Variants in AGBL1 observed in about 807,000 individuals in gnomAD.
AGBL1 encodes the protein cytosolic carboxypeptidase 4.
A neutral mutation model predicts 118.9 loss-of-function variants in AGBL1; 130 were observed. That is an observed-to-expected ratio of 1.09 (90% CI 0.95 to 1.26). AGBL1 has a LOEUF of 1.26. Ranked by LOEUF, AGBL1 falls within the 50% of genes most tolerant of loss-of-function variation. The probability of loss-of-function intolerance (pLI) is 0.00; values close to 1 mark genes in which losing one functional copy is unlikely to be tolerated. For missense variants in AGBL1, 1,584 were observed against 1,298.1 expected (o/e 1.22, Z -3.38); for synonymous variants, 555 against 478.9 (o/e 1.16, Z -2.08).
chr15:86,796,480 A>C (rs2141340611), intron 22 of AGBL1, among the ~76,000 whole-genome samples: 1 of 152,298 alleles, frequency 6.6e-6, no homozygotes, highest in South Asian at 2.1e-4. Context: ...ACAGTCCGAA[A>C]TACCTCTAAC....
chr15:86,451,746 C>A (rs1035381564), intron 18 of AGBL1, among the ~76,000 whole-genome samples: 2 of 152,096 alleles, frequency 1.3e-5, no homozygotes, highest in African/African-American at 2.4e-5. Context: ...CCTTTTTCTC[C>A]AGGCCTTGGC....
intron 22 of AGBL1, among the ~76,000 whole-genome samples, chr15:86,884,638 C>G (rs1052177294): frequency 6.6e-6 from 1 of 152,116 alleles, no homozygotes; most frequent in Non-Finnish European, 1.5e-5. Context: ...ATGGTGAAAC[C>G]CTTCCTCTAC....
At chr15:86,751,455 G>A (rs959840766) in intron 22 of AGBL1, among the ~76,000 whole-genome samples, 1 of 152,120 alleles carries the variant, frequency 6.6e-6, no homozygotes, top group African/African-American at 2.4e-5. Context: ...TACCATTCAG[G>A]ATGTAGGCAT....
chr15:86,254,530 G>A (rs548084603), intron 7 of AGBL1, among the ~76,000 whole-genome samples: 1 of 152,328 alleles, frequency 6.6e-6, no homozygotes, highest in African/African-American at 2.4e-5. Context: ...TGTGACGGAA[G>A]CATTGAATGT....
chr15:86,751,276 G>T (rs1266729770), intron 22 of AGBL1, among the ~76,000 whole-genome samples: 1 of 152,008 alleles, frequency 6.6e-6, no homozygotes, highest in African/African-American at 2.4e-5. Context: ...TCACAACCTT[G>T]CCAGCATCTG....
intron 18 of AGBL1, among the ~76,000 whole-genome samples, chr15:86,419,887 G>T (rs1567248185): frequency 6.6e-6 from 1 of 152,182 alleles, no homozygotes; most frequent in East Asian, 1.9e-4. Flanking sequence ...GCTCAGCAAA[G>T]CTGCTGTAGC....
intron 22 of AGBL1, among the ~76,000 whole-genome samples, chr15:86,877,030 A>G (rs927317028): frequency 6.6e-6 from 1 of 152,168 alleles, no homozygotes; most frequent in Admixed American, 6.5e-5. Context: ...TCAGAGATCA[A>G]TTCTGCCCAC....
chr15:86,554,436 C>T lies in AGBL1; in HGVS notation c.2893C>T (p.Arg965Ter), dbSNP rs757739795. Residue 965 changes from arginine (R) to a stop codon, truncating the protein, a stop_gained, in exon 21 of 23, where the codon CGA becomes TGA. Transcript: ENST00000614907. LOFTEE classifies it high-confidence loss of function. ...SSCSFLVEKSRASTARVVVWR... is the reference protein window; with the variant it reads ...SSCSFLVEKS ...CTGCAGCTTTCTCGTGGAGAAATCT[C>T]GAGCTTCCACGGCCCGGGTGGTGGT... is the stretch of plus-strand genomic sequence containing the variant. The T allele has an allele frequency of 6.3e-6, 10 of 1,586,774 alleles. No homozygotes were observed. The highest frequency in any genetic ancestry group is 2.3e-5 in the South Asian group (2 of 86,596).
At chr15:86,916,868 C>T (rs1426964170), downstream of AGBL1, among the ~76,000 whole-genome samples, 2 of 152,184 alleles carry the variant, frequency 1.3e-5, no homozygotes, top group African/African-American at 4.8e-5. Flanking sequence ...GAGGCCAGGC[C>T]TGCACAATGA....
intron 18 of AGBL1, among the ~76,000 whole-genome samples, chr15:86,469,938 C>T (rs1312254028): frequency 1.3e-5 from 2 of 151,934 alleles, no homozygotes; most frequent in African/African-American, 4.8e-5. Flanking sequence ...TTGTTTCTTG[C>T]TATTGGTTTG....
chr15:86,801,762 G>C (rs1192241267), intron 22 of AGBL1, among the ~76,000 whole-genome samples: 3 of 152,104 alleles, frequency 2.0e-5, no homozygotes, highest in Non-Finnish European at 4.4e-5. Context: ...ATTTGGTGGA[G>C]TTATTATTAA....
chr15:86,325,349 A>C (rs1189521560), intron 17 of AGBL1, among the ~76,000 whole-genome samples: 2 of 152,188 alleles, frequency 1.3e-5, no homozygotes, highest in African/African-American at 4.8e-5. Flanking sequence ...ATTAAGCAGG[A>C]GGAACTAGTT....
intron 24 of AGBL1, among the ~76,000 whole-genome samples, chr15:87,027,141 T>C (rs1438727187): frequency 6.6e-6 from 1 of 151,828 alleles, no homozygotes; most frequent in Non-Finnish European, 1.5e-5. Flanking sequence ...TAAAAATGAA[T>C]AAATACAAAG....
At chr15:86,821,157 A>G (rs952009798) in intron 22 of AGBL1, among the ~76,000 whole-genome samples, 1 of 152,026 alleles carries the variant, frequency 6.6e-6, no homozygotes, top group Admixed American at 6.6e-5. Flanking sequence ...GGGGAACATC[A>G]CACACTGAGG....
At chr15:86,493,258 C>T (rs1354261413) in intron 18 of AGBL1, among the ~76,000 whole-genome samples, 1 of 151,982 alleles carries the variant, frequency 6.6e-6, no homozygotes, top group East Asian at 1.9e-4. Flanking sequence ...AGAGAGACAA[C>T]ACGGTGATCA....
intron 22 of AGBL1, among the ~76,000 whole-genome samples, chr15:86,843,608 G>C (rs1160601236): frequency 6.6e-6 from 1 of 152,110 alleles, no homozygotes; most frequent in Non-Finnish European, 1.5e-5. Flanking sequence ...ATAAGGCAAC[G>C]CCGAATGATT....
chr15:86,713,621 T>A (rs1340954210), intron 22 of AGBL1, among the ~76,000 whole-genome samples: 1 of 152,162 alleles, frequency 6.6e-6, no homozygotes, highest in South Asian at 2.1e-4. Context: ...AGTGATCTAA[T>A]AGAAGACAGA....
At chr15:86,310,158 T>G (rs2079898563) in intron 17 of AGBL1, among the ~76,000 whole-genome samples, 1 of 152,192 alleles carries the variant, frequency 6.6e-6, no homozygotes, top group Admixed American at 6.5e-5. Context: ...TCAGTCTTGG[T>G]AGGTTTATGT....
chr15:86,994,299 ATC>A (rs371186528), intron 24 of AGBL1, among the ~76,000 whole-genome samples: 3 of 151,034 alleles, frequency 2.0e-5, no homozygotes, highest in African/African-American at 2.4e-5. Flanking sequence ...ACAAGGGAAT[ATC>A]TCTCTCTCTC....
Sources: gnomAD v4.1 joint callset for allele counts (sites outside exome capture counted in the v4.1 genomes callset) on GRCh38, gnomAD v4.1.1 for gene constraint, MANE v1.5 for transcripts, NCBI Gene and HGNC (gene_info 2026-07-23, HGNC 2026-07-21) for gene names.